MCTP1: variants seen among roughly 807,000 people sequenced by gnomAD.
The protein encoded by MCTP1 is multiple C2 and transmembrane domain containing 1.
Under a neutral mutation model 120.6 loss-of-function variants are expected in MCTP1, and 69 were observed. The observed-to-expected ratio is 0.57, with a 90% CI of 0.47 to 0.70. The LOEUF (loss-of-function observed/expected upper bound fraction) is 0.70, where lower values mean the gene tolerates loss of function less well. Among genes scored for constraint, MCTP1 ranks in the 30% least tolerant of loss-of-function variants. MCTP1 has a pLI of 0.00. For synonymous variants in MCTP1, 529 were observed against 493.1 expected (o/e 1.07, Z -0.96); for missense variants, 1,203 against 1,248.8 (o/e 0.96, Z 0.55).
In MCTP1 at chr5:94,733,955, C is replaced by T. The variant is rs556888677; in HGVS notation, c.2611-19069G>A. 1.9e-3 allele frequency among the ~76,000 whole-genome samples: 282 copies of T among 145,322 alleles called. 1 individual carries two copies. The highest frequency in any genetic ancestry group is 6.5e-3 in the African/African-American group (256 of 39,406). On this transcript the variant is annotated intron_variant, in intron 19 of 22. Coordinates refer to ENST00000515393, the MANE Select transcript of MCTP1 (RefSeq NM_024717.7). ...CTCCAGCCTAGGCAACATAGCAAGA[C>T]TCTGTCTGAAAAAAAAAAAAAGAAA...
chr5:95,041,311 G>GAAAAAA (rs58379749), intron 1 of MCTP1, among the ~76,000 whole-genome samples: 178 of 89,628 alleles, frequency 2.0e-3, no homozygotes, highest in East Asian at 4.9e-3. Flanking sequence ...CCCATGCTCT[G>GAAAAAA]AAAAAAAAAA....
At chr5:95,207,644 T>C (rs1751774905) in intron 1 of MCTP1, among the ~76,000 whole-genome samples, 1 of 152,080 alleles carries the variant, frequency 6.6e-6, no homozygotes, top group Admixed American at 6.6e-5. Context: ...TCTCATAAAA[T>C]TGTCTTGGTA....
chr5:94,810,967 A>G (rs930387989), intron 17 of MCTP1, among the ~76,000 whole-genome samples: 1 of 152,194 alleles, frequency 6.6e-6, no homozygotes, highest in African/African-American at 2.4e-5. Flanking sequence ...ACCTAATAAT[A>G]TCATACATTT....
At chr5:94,845,986 A>G (rs1188357173) in intron 17 of MCTP1, among the ~76,000 whole-genome samples, 1 of 152,208 alleles carries the variant, frequency 6.6e-6, no homozygotes, top group Non-Finnish European at 1.5e-5. Flanking sequence ...CTATTACTGA[A>G]AAGTCAAAAA....
chr5:94,887,463 G>A (rs1002582779), intron 12 of MCTP1, among the ~76,000 whole-genome samples: 8 of 151,956 alleles, frequency 5.3e-5, no homozygotes, highest in African/African-American at 1.9e-4. Flanking sequence ...ATTATATAAT[G>A]GGCAGGTATC....
chr5:95,039,908 A>C lies in MCTP1; in HGVS notation c.721-22424T>G, dbSNP rs530030913. On this transcript the variant is annotated intron_variant, in intron 1 of 22. Coordinates refer to ENST00000515393, the MANE Select transcript of MCTP1 (RefSeq NM_024717.7). The stretch of plus-strand genomic sequence containing the variant: ...AAAAAAAAAAAAAAAAAAAAGAAAG[A>C]TCTAAACTGCCAAAACTTGAGGACT... Among the ~76,000 whole-genome samples the C allele has an allele frequency of 8.2e-4, 120 of 146,738 alleles. 1 individual carries two copies. Among genetic ancestry groups the C allele is most frequent in the African/African-American group, 2.9e-3 (116 of 40,360 alleles).
At chr5:95,179,224 A>G (rs1023993838) in intron 1 of MCTP1, among the ~76,000 whole-genome samples, 1 of 152,238 alleles carries the variant, frequency 6.6e-6, no homozygotes, top group African/African-American at 2.4e-5. Context: ...GTTCCTGAGG[A>G]AGAAGAGAAA....
rs1754396923 is a variant in MCTP1, at chr5:94,705,714, A to C, written c.*1782T>G. The C allele has an allele frequency of 6.6e-6, 1 of 151,664 alleles. No homozygotes were observed. The highest frequency in any genetic ancestry group is 2.4e-5 in the African/African-American group (1 of 41,380). 9.4% of individuals were successfully genotyped at this position (151,664 alleles called of 1,614,324 possible). A position where few individuals can be genotyped will look rare whatever the true frequency, so the allele number is the denominator to read the frequency against. ...ATCAGGCTTATAGACATTTGAGTAC[A>C]CATTGTCAGCACAGAACATAAAAGT... On this transcript the variant is annotated 3_prime_UTR_variant, in exon 23 of 23. Coordinates refer to ENST00000515393, the MANE Select transcript of MCTP1 (RefSeq NM_024717.7).
chr5:95,112,634 A>G (rs1757546701), intron 1 of MCTP1, among the ~76,000 whole-genome samples: 1 of 152,222 alleles, frequency 6.6e-6, no homozygotes, highest in South Asian at 2.1e-4. Flanking sequence ...TAAGATATGC[A>G]ATTATTTCAT....
intron 1 of MCTP1, among the ~76,000 whole-genome samples, chr5:95,096,850 C>T (rs974049697): frequency 6.6e-6 from 1 of 152,094 alleles, no homozygotes; most frequent in Non-Finnish European, 1.5e-5. Flanking sequence ...AAATAGCTCC[C>T]AAGCCATCAA....
intron 1 of MCTP1, among the ~76,000 whole-genome samples, chr5:95,152,649 TCAGGG>T (rs1323422798): frequency 5.9e-5 from 9 of 152,226 alleles, no homozygotes; most frequent in African/African-American, 2.2e-4. Flanking sequence ...AAATATTCCT[TCAGGG>T]CAGGGAGGTG....
chr5:94,958,391 T>C (rs1045214072), intron 2 of MCTP1, among the ~76,000 whole-genome samples: 5 of 151,932 alleles, frequency 3.3e-5, no homozygotes, highest in Admixed American at 6.6e-5. Context: ...ATTCAAAAGC[T>C]AGCAGAAGAC....
At chr5:94,924,709 C>G (rs1389220638) in intron 6 of MCTP1, among the ~76,000 whole-genome samples, 2 of 152,176 alleles carry the variant, frequency 1.3e-5, no homozygotes, top group Non-Finnish European at 2.9e-5. Context: ...AATAGAATAT[C>G]TAAATTACAG....
At chr5:95,279,400 G>T (rs897701414) in intron 1 of MCTP1, among the ~76,000 whole-genome samples, 2 of 152,044 alleles carry the variant, frequency 1.3e-5, no homozygotes, top group Non-Finnish European at 2.9e-5. Context: ...GTATAAAATT[G>T]TAATGTCACC....
intron 1 of MCTP1, among the ~76,000 whole-genome samples, chr5:95,249,476 T>G (rs1757161164): frequency 6.6e-6 from 1 of 152,086 alleles, no homozygotes; most frequent in Admixed American, 6.6e-5. Flanking sequence ...TCACGCCAGT[T>G]AGAATGGCGA....
chr5:94,735,461 G>C (rs1311378710), intron 19 of MCTP1, among the ~76,000 whole-genome samples: 15 of 151,884 alleles, frequency 9.9e-5, no homozygotes, highest in Admixed American at 9.8e-4. Flanking sequence ...TTTTTAAATA[G>C]AGACAGGGTC....
intron 1 of MCTP1, among the ~76,000 whole-genome samples, chr5:95,146,976 C>A (rs1424261470): frequency 6.6e-6 from 1 of 152,156 alleles, no homozygotes; most frequent in East Asian, 1.9e-4. Flanking sequence ...GTGGGGTGTT[C>A]AAGTCCCCCA....
At chr5:95,225,943 A>G (rs1697261646) in intron 1 of MCTP1, among the ~76,000 whole-genome samples, 1 of 152,106 alleles carries the variant, frequency 6.6e-6, no homozygotes, top group Admixed American at 6.6e-5. Flanking sequence ...CTGATGCATG[A>G]CCTGTTTTGT....
At chr5:94,864,355 G>A (rs1350786140) in intron 17 of MCTP1, among the ~76,000 whole-genome samples, 2 of 151,726 alleles carry the variant, frequency 1.3e-5, no homozygotes, top group African/African-American at 2.4e-5. Context: ...TCTCCCTTTA[G>A]TTATTCTGTT....
Sources: allele counts gnomAD v4.1 joint callset (sites outside exome capture counted in the v4.1 genomes callset), GRCh38; gene constraint gnomAD v4.1.1; transcripts MANE v1.5; gene names NCBI Gene and HGNC (gene_info 2026-07-23, HGNC 2026-07-21).